The following RANBP17 variants were observed in gnomAD, a reference collection of about 807,000 sequenced individuals.
RANBP17 encodes RAN binding protein 17.
In RANBP17, 158 loss-of-function variants were observed where a neutral mutation model predicts 141.2. The observed-to-expected ratio is 1.12, with a 90% CI of 0.98 to 1.28. RANBP17 has a LOEUF of 1.28. RANBP17 is among the 50% of genes most tolerant of loss of function. RANBP17 has a pLI of 0.00. For missense variants in RANBP17, 1,438 were observed against 1,290.7 expected (o/e 1.11, Z -1.75); for synonymous variants, 430 against 450.0 (o/e 0.96, Z 0.56).
chr5:171,147,088 A>G (rs2127823343), intron 14 of RANBP17, among the ~76,000 whole-genome samples: 1 of 152,192 alleles, frequency 6.6e-6, no homozygotes, highest in East Asian at 1.9e-4. Flanking sequence ...TGGTTGTCAC[A>G]ATTTGGGAGA....
intron 14 of RANBP17, among the ~76,000 whole-genome samples, chr5:171,051,243 T>C (rs1448725796): frequency 6.6e-6 from 1 of 152,188 alleles, no homozygotes; most frequent in East Asian, 1.9e-4. Context: ...TTTTCTTTAT[T>C]TATTGTTGTG....
intron 5 of RANBP17, among the ~76,000 whole-genome samples, chr5:170,897,582 C>T (rs1244687589): frequency 1.3e-5 from 2 of 151,498 alleles, no homozygotes; most frequent in East Asian, 3.9e-4. Flanking sequence ...CCCAACAGGC[C>T]CCGGTGTGTG....
chr5:171,245,402 T>A (rs1028369863), intron 24 of RANBP17, among the ~76,000 whole-genome samples: 1 of 151,764 alleles, frequency 6.6e-6, no homozygotes, highest in African/African-American at 2.4e-5. Context: ...GCAACCTCCG[T>A]CTCCCGGGTT....
chr5:171,148,599 G>A (rs992573705), intron 14 of RANBP17, among the ~76,000 whole-genome samples: 1 of 150,476 alleles, frequency 6.6e-6, no homozygotes, highest in Non-Finnish European at 1.5e-5. Flanking sequence ...TATCTGTATT[G>A]ATATATATAT....
At chr5:170,939,990 A>G (rs1252201822) in intron 12 of RANBP17, among the ~76,000 whole-genome samples, 4 of 152,212 alleles carry the variant, frequency 2.6e-5, no homozygotes, top group African/African-American at 9.7e-5. Context: ...CCAAGAAAGG[A>G]AAATAACCAG....
chr5:171,287,780 A>G (rs1768263303), intron 25 of RANBP17, among the ~76,000 whole-genome samples: 1 of 152,008 alleles, frequency 6.6e-6, no homozygotes, highest in Non-Finnish European at 1.5e-5. Flanking sequence ...AGACTGGAGT[A>G]CAGTGGCATG....
intron 1 of RANBP17, among the ~76,000 whole-genome samples, chr5:170,864,009 G>C (rs923923120): frequency 1.3e-5 from 2 of 152,148 alleles, no homozygotes; most frequent in African/African-American, 4.8e-5. Flanking sequence ...GTTAACTCAA[G>C]GAACATTTGT....
intron 25 of RANBP17, among the ~76,000 whole-genome samples, chr5:171,275,914 A>G (rs962605709): frequency 2.0e-5 from 3 of 152,152 alleles, no homozygotes; most frequent in Admixed American, 2.0e-4. Context: ...TCAGTCTAGG[A>G]TGGTACCCTT....
chr5:170,918,023 A>G (rs761964343), intron 9 of RANBP17: 3 of 152,172 alleles, frequency 2.0e-5, no homozygotes, highest in Non-Finnish European at 4.4e-5. Flanking sequence ...CATCCCAGCT[A>G]CAGTGCATAC....
At chr5:171,150,260 A>G (rs1004015133) in intron 14 of RANBP17, among the ~76,000 whole-genome samples, 1 of 152,106 alleles carries the variant, frequency 6.6e-6, no homozygotes, top group African/African-American at 2.4e-5. Context: ...TTTAGGTGCA[A>G]TGTGTTAAAT....
chr5:170,928,199 G>T (rs180947334), intron 12 of RANBP17, among the ~76,000 whole-genome samples: 1 of 151,896 alleles, frequency 6.6e-6, no homozygotes, highest in Non-Finnish European at 1.5e-5. Flanking sequence ...TGGATTGTTG[G>T]CTCTTTTGTA....
At chr5:171,088,658 C>A (rs867680428) in intron 14 of RANBP17, among the ~76,000 whole-genome samples, 6 of 149,622 alleles carry the variant, frequency 4.0e-5, no homozygotes, top group Non-Finnish European at 6.0e-5. Flanking sequence ...GGCTTTGCTC[C>A]TTTCTTTTTA....
intron 13 of RANBP17, among the ~76,000 whole-genome samples, chr5:170,956,151 T>G (rs1174337479): frequency 2.6e-5 from 4 of 151,964 alleles, no homozygotes; most frequent in African/African-American, 4.8e-5. Flanking sequence ...CTCTACTGAT[T>G]TGAAGTGGCA....
chr5:170,906,908 T>G (rs971712134), intron 5 of RANBP17, among the ~76,000 whole-genome samples: 2 of 151,974 alleles, frequency 1.3e-5, no homozygotes, highest in African/African-American at 4.8e-5. Context: ...GTCTGAAGTG[T>G]GATTTTGGCT....
chr5:171,116,957 C>T (rs1755676283), intron 14 of RANBP17, among the ~76,000 whole-genome samples: 1 of 152,152 alleles, frequency 6.6e-6, no homozygotes, highest in Non-Finnish European at 1.5e-5. Flanking sequence ...AACATAATGC[C>T]TGCAGTTGCA....
chr5:171,060,458 A>T (rs1313456302), intron 14 of RANBP17, among the ~76,000 whole-genome samples: 2 of 151,730 alleles, frequency 1.3e-5, no homozygotes, highest in Non-Finnish European at 1.5e-5. Context: ...TATATGCTGG[A>T]TTACATTTAT....
chr5:171,265,347 C>A (rs1288083032), intron 24 of RANBP17, among the ~76,000 whole-genome samples: 1 of 152,114 alleles, frequency 6.6e-6, no homozygotes, highest in East Asian at 1.9e-4. Flanking sequence ...TCAGCCTGAC[C>A]AACATGGAGA....
intron 14 of RANBP17, among the ~76,000 whole-genome samples, chr5:171,118,771 G>C (rs1361823239): frequency 6.6e-6 from 1 of 151,902 alleles, no homozygotes; most frequent in African/African-American, 2.4e-5. Flanking sequence ...GTATGTTGAG[G>C]GTGTATCCTG....
intron 14 of RANBP17, among the ~76,000 whole-genome samples, chr5:171,144,064 G>A (rs1380716864): frequency 6.6e-6 from 1 of 152,132 alleles, no homozygotes; most frequent in Non-Finnish European, 1.5e-5. Flanking sequence ...GTTTTACCCT[G>A]TAAGAAATAG....
Sources: allele counts gnomAD v4.1 joint callset (sites outside exome capture counted in the v4.1 genomes callset), GRCh38; gene constraint gnomAD v4.1.1; transcripts MANE v1.5; gene names NCBI Gene and HGNC (gene_info 2026-07-23, HGNC 2026-07-21).